The following ERICH1 variants were observed in gnomAD, a reference collection of about 807,000 sequenced individuals.
ERICH1 encodes the protein glutamate rich 1.
In ERICH1, 56 loss-of-function variants were observed where a neutral mutation model predicts 39.6. That is an observed-to-expected ratio of 1.41 (90% CI 1.14 to 1.77). The LOEUF is 1.77. Among genes scored for constraint, ERICH1 ranks in the 40% most tolerant of loss-of-function variants. The pLI, the probability that ERICH1 is intolerant of heterozygous loss-of-function variation, is 0.00. For missense variants in ERICH1, 826 were observed against 575.4 expected, an observed-to-expected ratio of 1.44 and a Z score of -4.45; for synonymous variants, 313 against 223.6, an observed-to-expected ratio of 1.40 and a Z score of -3.57.
At chr8:693,821 C>G (rs983703390) in intron 2 of ERICH1, among the ~76,000 whole-genome samples, 1 of 152,160 alleles carries the variant, frequency 6.6e-6, no homozygotes, top group Non-Finnish European at 1.5e-5. Flanking sequence ...CTGGGACGTC[C>G]CCTGCTGCAC....
chr8:693,252 G>A (rs962018265), intron 2 of ERICH1, among the ~76,000 whole-genome samples: 5 of 151,850 alleles, frequency 3.3e-5, no homozygotes, highest in African/African-American at 1.2e-4. Flanking sequence ...AAATACACAA[G>A]CACACACAGA....
At chr8:633,845 A>C (rs1372930360) in intron 3 of ERICH1, among the ~76,000 whole-genome samples, 1 of 152,230 alleles carries the variant, frequency 6.6e-6, no homozygotes, top group African/African-American at 2.4e-5. Flanking sequence ...CACGCAAAGG[A>C]ATGAAATTGG....
chr8:729,585 G>C (rs1012243693), intron 1 of ERICH1, among the ~76,000 whole-genome samples: 2 of 152,318 alleles, frequency 1.3e-5, no homozygotes, highest in Non-Finnish European at 1.5e-5. Flanking sequence ...AGGTGATCTT[G>C]AGGAAGACAC....
chr8:688,311 C>CCGGCCCCTCCGCCGCCCCGCCCCGCTT (rs1808077221), intron 3 of ERICH1, among the ~76,000 whole-genome samples: 35 of 48,086 alleles, frequency 7.3e-4, no homozygotes, highest in Middle Eastern at 0.015. Context: ...CCGCCCCGCC[C>CCGGCCCCTCCGCCGCCCCGCCCCGCTT]CGGGCCACCC....
chr8:656,293 G>A (rs561584829), intron 3 of ERICH1, among the ~76,000 whole-genome samples: 18 of 152,254 alleles, frequency 1.2e-4, no homozygotes, highest in South Asian at 4.1e-4. Flanking sequence ...CCTCCCCTTC[G>A]AAATCTGCAA....
At chr8:626,402 G>A (rs919380341) in intron 3 of ERICH1, 1 of 152,132 alleles carries the variant, frequency 6.6e-6, no homozygotes. Flanking sequence ...GCCTCTGCCG[G>A]GTCTGCAGGA....
At chr8:656,927 T>C in intron 3 of ERICH1, 1 of 822,970 alleles carries the variant, frequency 1.2e-6, no homozygotes, top group Non-Finnish European at 1.5e-6. Flanking sequence ...ACTCCTTATA[T>C]GTTAACCTAA....
At chr8:629,784 G>A (rs866311386) in intron 3 of ERICH1, among the ~76,000 whole-genome samples, 612 of 35,652 alleles carry the variant, frequency 0.017, 1 homozygote, top group Middle Eastern at 0.045. Flanking sequence ...GCACCCACAC[G>A]GACAGAGCTG....
At chr8:717,706 T>C (rs1816338749) in intron 1 of ERICH1, among the ~76,000 whole-genome samples, 1 of 152,246 alleles carries the variant, frequency 6.6e-6, no homozygotes, top group African/African-American at 2.4e-5. Context: ...AGCTAAAGCC[T>C]TGCTGGGCCT....
At chr8:634,183 A>AACAAACAACAAACAAAC (rs1554481906) in intron 3 of ERICH1, among the ~76,000 whole-genome samples, 2 of 135,808 alleles carry the variant, frequency 1.5e-5, no homozygotes, top group Admixed American at 7.5e-5. Context: ...AAAAAAAAAA[A>AACAAACAACAAACAAAC]AAACAAACAA....
intron 3 of ERICH1, among the ~76,000 whole-genome samples, chr8:658,218 C>T (rs1585080786): frequency 6.6e-6 from 1 of 152,214 alleles, no homozygotes. Flanking sequence ...AACAGGAGGG[C>T]CCAGCCTGGC....
intron 3 of ERICH1, among the ~76,000 whole-genome samples, chr8:633,436 C>T (rs967493727): frequency 1.2e-4 from 19 of 152,046 alleles, no homozygotes; most frequent in Admixed American, 9.8e-4. Flanking sequence ...AGAAAAGGGC[C>T]CCCAAAGTAC....
chr8:618,001 G>A (rs1279393524), intron 3 of ERICH1, among the ~76,000 whole-genome samples: 2 of 137,546 alleles, frequency 1.5e-5, no homozygotes, highest in Non-Finnish European at 3.1e-5. Flanking sequence ...CCTCTAAGTG[G>A]TCAGTACTTG....
chr8:636,822 G>A (rs746859451), intron 3 of ERICH1, among the ~76,000 whole-genome samples: 10 of 152,198 alleles, frequency 6.6e-5, no homozygotes, highest in Non-Finnish European at 1.0e-4. Context: ...CTGCCCTCCC[G>A]TCCAGAATCC....
chr8:660,288 A>G (rs971300136), downstream of ERICH1, among the ~76,000 whole-genome samples: 1 of 152,236 alleles, frequency 6.6e-6, no homozygotes, highest in Non-Finnish European at 1.5e-5. Context: ...TTATTGTAAT[A>G]TTTGACTTTT....
intron 3 of ERICH1, among the ~76,000 whole-genome samples, chr8:641,564 G>T (rs529583182): frequency 6.6e-6 from 1 of 152,192 alleles, no homozygotes; most frequent in Non-Finnish European, 1.5e-5. Flanking sequence ...CACATCGAAA[G>T]ACCTTTTCAC....
chr8:701,919 G>A (rs1415047927), intron 2 of ERICH1, among the ~76,000 whole-genome samples: 1 of 151,742 alleles, frequency 6.6e-6, no homozygotes, highest in Non-Finnish European at 1.5e-5. Context: ...GTGAAACCTC[G>A]TCTCTACTAA....
chr8:649,969 C>G (rs908304016), intron 3 of ERICH1, among the ~76,000 whole-genome samples: 14 of 152,340 alleles, frequency 9.2e-5, no homozygotes, highest in African/African-American at 3.4e-4. Context: ...GCCGCGACAT[C>G]TGGCACCTGG....
chr8:661,494 C>A (rs750409402), downstream of ERICH1, among the ~76,000 whole-genome samples: 3 of 152,170 alleles, frequency 2.0e-5, no homozygotes, highest in Non-Finnish European at 4.4e-5. Context: ...TATTGGCAAC[C>A]TGACAATTCC....
Sources: allele counts gnomAD v4.1 joint callset (sites outside exome capture counted in the v4.1 genomes callset), GRCh38; gene constraint gnomAD v4.1.1; transcripts MANE v1.5; gene names NCBI Gene and HGNC (gene_info 2026-07-23, HGNC 2026-07-21).